Variants in ZNF711 observed in about 807,000 individuals in gnomAD.
ZNF711 encodes the protein ZFX family zinc finger ZNF711, also known as zinc finger protein 711.
Under a neutral mutation model 43.5 loss-of-function variants are expected in ZNF711, and 3 were observed. The ratio of observed to expected loss-of-function variants is 0.07; its 90% confidence interval spans 0.03 to 0.18. The LOEUF is 0.18. Ranked by LOEUF, ZNF711 falls within the 10% of genes least tolerant of loss-of-function variation. The probability of loss-of-function intolerance (pLI) is 1.00; values close to 1 mark genes in which losing one functional copy is unlikely to be tolerated. For missense variants in ZNF711, 412 were observed against 604.0 expected (o/e 0.68, Z 3.33); for synonymous variants, 209 against 207.7 (o/e 1.01, Z -0.06).
In ZNF711 at chrX:85,272,402, G is replaced by C. The variant is rs1371294250; in HGVS notation, c.*574G>C. 1.8e-5 allele frequency: 2 copies of C among 113,321 alleles called. No individual in the cohort carries two copies. The highest frequency in any genetic ancestry group is 3.7e-5 in the Non-Finnish European group (2 of 53,865). 9.3% of individuals were successfully genotyped at this position (113,321 alleles called of 1,213,427 possible). A position where few individuals can be genotyped will look rare whatever the true frequency, so the allele number is the denominator to read the frequency against. ...TTCAGTACTATTAAAAAAGAATTCA[G>C]AGCTGTTAATATTTTATCACAGGAT... On this transcript the variant is annotated 3_prime_UTR_variant, in exon 11 of 11. Transcript: ENST00000674551.
At chrX:85,270,280 GTTTT>G (rs200962174) in intron 10 of ZNF711, 134 bp downstream of exon 10, 24 of 491,001 alleles carry the variant, frequency 4.9e-5, no homozygotes, top group Non-Finnish European at 5.7e-5. Context: ...ATAGATAATT[GTTTT>G]TTTTTTTTTT....
chrX:85,272,499 T>C lies in ZNF711; in HGVS notation c.*671T>C, dbSNP rs1251650229. The C allele has an allele frequency of 2.7e-5, 3 of 112,055 alleles. No homozygotes were observed. The highest frequency in any genetic ancestry group is 3.7e-4 in the South Asian group (1 of 2,720). 9.2% of individuals were successfully genotyped at this position (112,055 alleles called of 1,213,427 possible). On this transcript the variant is annotated 3_prime_UTR_variant, in exon 11 of 11. Transcript: ENST00000674551. ...CTATAAAGATTAAAGTTCCCTTTTT[T>C]CTGATGTTCAAGTTGATTGTTGTTC...
intron 4 of ZNF711, among the ~76,000 whole-genome samples, chrX:85,249,741 A>G (rs73627339): frequency 0.019 from 2,113 of 111,527 alleles, 45 homozygotes; most frequent in African/African-American, 0.065. Context: ...ATTTTTATAA[A>G]GTATACAATT....
intron 5 of ZNF711, among the ~76,000 whole-genome samples, chrX:85,262,245 AG>A (rs1930718474): frequency 9.0e-6 from 1 of 111,050 alleles, no homozygotes; most frequent in Admixed American, 9.6e-5. Context: ...AAAACTATTA[AG>A]AAGTGGTGAA....
chrX:85,269,456 C>G (rs559208214), intron 9 of ZNF711, among the ~76,000 whole-genome samples: 2 of 107,273 alleles, frequency 1.9e-5, no homozygotes, highest in South Asian at 8.6e-4. Flanking sequence ...TCATAGCTCA[C>G]TGCAACCTTG....
At chrX:85,245,111 A>C (rs1266554430) in intron 1 of ZNF711, among the ~76,000 whole-genome samples, 1 of 111,942 alleles carries the variant, frequency 8.9e-6, no homozygotes, top group East Asian at 2.8e-4. Context: ...GCTACTTGCC[A>C]GGGCTCCTTT....
intron 4 of ZNF711, among the ~76,000 whole-genome samples, chrX:85,254,648 A>C (rs1424990070): frequency 2.4e-5 from 2 of 82,275 alleles, no homozygotes; most frequent in Admixed American, 2.8e-4. Context: ...AAAAAAAAAA[A>C]AAAATTAGCC....
intron 1 of ZNF711, among the ~76,000 whole-genome samples, chrX:85,244,465 C>G (rs1355886145): frequency 9.0e-6 from 1 of 111,448 alleles, no homozygotes; most frequent in African/African-American, 3.3e-5. Context: ...CTAGAGCCGT[C>G]GTTGAGACCG....
chrX:85,247,873 T>C (rs1168560506), intron 4 of ZNF711, among the ~76,000 whole-genome samples: 4 of 111,118 alleles, frequency 3.6e-5, no homozygotes, highest in Non-Finnish European at 5.7e-5. Context: ...TGAAATATGG[T>C]GGTAATATGT....
intron 7 of ZNF711, 44 bp from the exon 8 acceptor site, chrX:85,267,234 T>A: frequency 9.9e-7 from 1 of 1,006,700 alleles, no homozygotes; most frequent in South Asian, 2.9e-5. Context: ...ACCCACTTAT[T>A]AAATATTTGG....
At chrX:85,253,464 G>C (rs1929724321) in intron 4 of ZNF711, among the ~76,000 whole-genome samples, 1 of 110,909 alleles carries the variant, frequency 9.0e-6, no homozygotes, top group Non-Finnish European at 1.9e-5. Context: ...AGACTCACAA[G>C]CAATAGAGCA....
intron 7 of ZNF711, among the ~76,000 whole-genome samples, chrX:85,266,331 T>G (rs980800735): frequency 2.7e-5 from 3 of 111,364 alleles, no homozygotes; most frequent in Non-Finnish European, 5.7e-5. Context: ...TTCTATTTGA[T>G]CTCTAAATTC....
At chrX:85,265,511 G>A in intron 7 of ZNF711, among the ~76,000 whole-genome samples, 1 of 110,820 alleles carries the variant, frequency 9.0e-6, no homozygotes, top group South Asian at 3.7e-4. Flanking sequence ...ACAACATACA[G>A]CTCCTGACAT....
At position 85,273,117 on chromosome X, in the gene ZNF711, T is replaced by G. The variant is rs1931675879; in HGVS notation, c.*1289T>G. The G allele has an allele frequency of 8.9e-6, 1 of 112,106 alleles. No homozygotes were observed. The highest frequency in any genetic ancestry group is 1.9e-5 in the Non-Finnish European group (1 of 53,032). 9.2% of individuals were successfully genotyped at this position (112,106 alleles called of 1,213,427 possible). A position where few individuals can be genotyped will look rare whatever the true frequency, so the allele number is the denominator to read the frequency against. ...TTTTACTTCATGCTATATTGTGGCT[T>G]TGTGTTTCAAATAATGTTCACCTTT... On this transcript the variant is annotated 3_prime_UTR_variant, in exon 11 of 11. Transcript: ENST00000674551.
intron 1 of ZNF711, among the ~76,000 whole-genome samples, chrX:85,245,515 A>T (rs895260946): frequency 4.4e-5 from 5 of 112,805 alleles, no homozygotes; most frequent in Non-Finnish European, 3.7e-5. Context: ...TACTTTTATA[A>T]TAGTTGCACT....
At chrX:85,264,211 CTTG>C in intron 5 of ZNF711, 61 bp from the exon 6 acceptor site, 1 of 975,610 alleles carries the variant, frequency 1.0e-6, no homozygotes, top group African/African-American at 1.9e-5. Context: ...GGTAATTTTT[CTTG>C]TTTTGTTGTT....
chrX:85,254,161 TG>T (rs895611752), intron 4 of ZNF711, among the ~76,000 whole-genome samples: 1 of 111,171 alleles, frequency 9.0e-6, no homozygotes, highest in African/African-American at 3.3e-5. Context: ...TTCATTTTTC[TG>T]GGGAAAAATG....
At chrX:85,261,336 C>G (rs1930623272) in intron 5 of ZNF711, among the ~76,000 whole-genome samples, 1 of 111,399 alleles carries the variant, frequency 9.0e-6, no homozygotes, top group African/African-American at 3.2e-5. Context: ...GAATAATGCT[C>G]CATGAACATT....
At chrX:85,267,001 A>G (rs1237194488) in intron 7 of ZNF711, among the ~76,000 whole-genome samples, 1 of 108,836 alleles carries the variant, frequency 9.2e-6, no homozygotes, top group Non-Finnish European at 1.9e-5. Flanking sequence ...AGAATGTAAG[A>G]TCATTCAGTA....
Sources: gnomAD v4.1 joint callset for allele counts (sites outside exome capture counted in the v4.1 genomes callset) on GRCh38, gnomAD v4.1.1 for gene constraint, MANE v1.5 for transcripts, NCBI Gene and HGNC (gene_info 2026-07-23, HGNC 2026-07-21) for gene names.